Variants in AP3S2 observed in about 807,000 individuals in gnomAD.
AP3S2 encodes the protein AP-3 complex subunit sigma-2.
AP3S2 carries 22 observed loss-of-function variants against 23.4 expected under a neutral mutation model. The ratio of observed to expected loss-of-function variants is 0.94; its 90% CI spans 0.67 to 1.34. The LOEUF is 1.34. Ranked by LOEUF, AP3S2 falls within the 40% of genes most tolerant of loss-of-function variation. The pLI, the probability that AP3S2 is intolerant of heterozygous loss-of-function variation, is 0.00. For missense variants in AP3S2, 241 were observed against 236.9 expected (o/e 1.02, Z -0.11); for synonymous variants, 86 against 87.1 (o/e 0.99, Z 0.07).
intron 3 of AP3S2, chr15:89,878,253 A>T: frequency 3.1e-6 from 2 of 651,550 alleles, no homozygotes; most frequent in Non-Finnish European, 5.4e-6. Context: ...CTGTAGGAGA[A>T]TATTTTCATA....
At chr15:89,879,263 A>T (rs1209896728) in intron 3 of AP3S2, among the ~76,000 whole-genome samples, 1 of 152,268 alleles carries the variant, frequency 6.6e-6, no homozygotes, top group Non-Finnish European at 1.5e-5. Flanking sequence ...ACAAGTATCA[A>T]AGGCAAAGCC....
intron 4 of AP3S2, among the ~76,000 whole-genome samples, chr15:89,853,279 A>C (rs1046357399): frequency 6.6e-6 from 1 of 152,182 alleles, no homozygotes; most frequent in African/African-American, 2.4e-5. Flanking sequence ...AAAAAGTAAA[A>C]ATAAAGACAA....
In AP3S2 at chr15:89,868,819, TG is replaced by T. The variant is rs1290103122; in HGVS notation, c.345+2655del. Among the ~76,000 whole-genome samples the T allele has an allele frequency of 2.0e-3, 183 of 93,658 alleles. 3 individuals are homozygous for T. The highest frequency in any genetic ancestry group is 8.8e-3 in the African/African-American group (168 of 19,192). 61.4% of individuals were successfully genotyped at this position (93,658 alleles called of 152,430 possible). On this transcript the variant is annotated intron_variant, in intron 4 of 5. Transcript: ENST00000336418. ...CCAGCCGCCCCGTCCGGGAGGGAGG[TG>T]GGGGGGTCAGCCCCCTGCCCGGCCA...
At chr15:89,874,778 T>C (rs1344522395) in intron 3 of AP3S2, among the ~76,000 whole-genome samples, 1 of 152,124 alleles carries the variant, frequency 6.6e-6, no homozygotes, top group Non-Finnish European at 1.5e-5. Context: ...CAAGACCTTG[T>C]CTCTAAATAA....
At chr15:89,846,247 T>G (rs1156732370) in intron 4 of AP3S2, among the ~76,000 whole-genome samples, 1 of 152,190 alleles carries the variant, frequency 6.6e-6, no homozygotes, top group Non-Finnish European at 1.5e-5. Flanking sequence ...CTGAAAATAG[T>G]CAAGAGTAGG....
At chr15:89,867,701 G>A (rs28674794) in intron 4 of AP3S2, among the ~76,000 whole-genome samples, 66 of 136,082 alleles carry the variant, frequency 4.9e-4, no homozygotes, top group East Asian at 7.2e-4. Context: ...CTGCCCGGCC[G>A]AGACCCCGTC....
At chr15:89,858,531 AAGAAAGAAAGAAAGAAAG>A (rs1895919639) in intron 4 of AP3S2, among the ~76,000 whole-genome samples, 1 of 47,310 alleles carries the variant, frequency 2.1e-5, no homozygotes, top group South Asian at 5.4e-4. Flanking sequence ...GAGAGAAAGA[AAGAAAGAAAGAAAGAAAG>A]AAAGAAAGAA....
At chr15:89,882,494 T>A (rs1896595697) in intron 3 of AP3S2, among the ~76,000 whole-genome samples, 1 of 152,020 alleles carries the variant, frequency 6.6e-6, no homozygotes, top group Non-Finnish European at 1.5e-5. Context: ...TAGCTACGAT[T>A]ACAGGCATGT....
At chr15:89,893,644 G>T in intron 1 of AP3S2, 445 of 433,916 alleles carry the variant, frequency 1.0e-3, no homozygotes, top group Middle Eastern at 2.7e-3. Flanking sequence ...GTCACAAAAT[G>T]GCACAGAAAT....
At chr15:89,890,246 C>T (rs4343259) in intron 1 of AP3S2, among the ~76,000 whole-genome samples, 78,317 of 151,270 alleles carry the variant, frequency 0.52, 21,006 homozygotes, top group African/African-American at 0.66. Context: ...GATGGGGTTT[C>T]ACCATGTTGG....
In AP3S2 at chr15:89,888,028, TA is replaced by T. The variant is rs1896739480; in HGVS notation, c.273+492del. On this transcript the variant is annotated intron_variant, in intron 3 of 5. Coordinates refer to ENST00000336418, the MANE Select transcript of AP3S2 (RefSeq NM_005829.5). ...ACATGTCTGGCCTGTTGTAAGCATT[TA>T]AAGTTTACATTTTATAGCTATAGAA... Among the ~76,000 whole-genome samples the T allele has an allele frequency of 2.6e-5, 4 of 152,370 alleles. No individual in the cohort carries two copies. In the South Asian group the frequency reaches 8.3e-4, roughly 32 times the overall value.
intron 3 of AP3S2, chr15:89,877,289 T>C: frequency 7.5e-7 from 1 of 1,324,878 alleles, no homozygotes; most frequent in Non-Finnish European, 1.0e-6. Context: ...ATGGATGCAG[T>C]TTGAAAAAGA....
intron 3 of AP3S2, among the ~76,000 whole-genome samples, chr15:89,874,385 A>C (rs1346786925): frequency 6.6e-6 from 1 of 152,218 alleles, no homozygotes; most frequent in Admixed American, 6.5e-5. Flanking sequence ...AGAGACCACC[A>C]AACAGGCTTT....
chr15:89,893,937 T>G lies in AP3S2; in HGVS notation c.13A>C (p.Ile5Leu). The change falls in exon 1 of 6, where the codon ATT (isoleucine) becomes CTT (leucine). Residue 5 changes from isoleucine (I) to leucine (L), a missense_variant. Coordinates refer to ENST00000336418, the MANE Select transcript of AP3S2 (RefSeq NM_005829.5). MIQA[I>L]LVFNNHGKPR... ...TTCCCATGGTTGTTGAAAACCAGAA[T>G]CGCCTGAATCATCTTTGCCAGCCAC... 6.4e-7 allele frequency: 1 copy of G among 1,551,576 alleles called. No homozygotes were observed. The highest frequency in any genetic ancestry group is 8.7e-7 in the Non-Finnish European group (1 of 1,146,952).
chr15:89,878,123 A>G (rs1486366935), intron 3 of AP3S2: 9 of 490,412 alleles, frequency 1.8e-5, no homozygotes, highest in Non-Finnish European at 2.5e-5. Flanking sequence ...CATAAAATAA[A>G]TGTTATGCAG....
At chr15:89,859,762 C>CT (rs34836617) in intron 4 of AP3S2, among the ~76,000 whole-genome samples, 52,099 of 117,256 alleles carry the variant, frequency 0.44, 12,411 homozygotes, top group East Asian at 0.62. Flanking sequence ...TATTGCTGAT[C>CT]TTTTTTTTTT....
At chr15:89,874,256 GT>G (rs1896390145) in intron 3 of AP3S2, among the ~76,000 whole-genome samples, 1 of 151,374 alleles carries the variant, frequency 6.6e-6, no homozygotes, top group Admixed American at 6.6e-5. Flanking sequence ...ATAATCCTTT[GT>G]TTTTCATTTG....
At chr15:89,854,517 G>A (rs1287856898) in intron 4 of AP3S2, among the ~76,000 whole-genome samples, 3 of 85,802 alleles carry the variant, frequency 3.5e-5, no homozygotes, top group South Asian at 5.2e-4. Context: ...CCGGGAGGGA[G>A]GTGGGGGGGG....
intron 3 of AP3S2, among the ~76,000 whole-genome samples, chr15:89,877,666 T>C (rs1364239761): frequency 6.6e-6 from 1 of 151,920 alleles, no homozygotes; most frequent in Non-Finnish European, 1.5e-5. Context: ...CTGAGCAACA[T>C]GGTGAAAACC....
Sources: gnomAD v4.1 joint callset for allele counts (sites outside exome capture counted in the v4.1 genomes callset) on GRCh38, gnomAD v4.1.1 for gene constraint, MANE v1.5 for transcripts, NCBI Gene and HGNC (gene_info 2026-07-23, HGNC 2026-07-21) for gene names.